SNTB1: variants seen among roughly 807,000 people sequenced by gnomAD.
The protein encoded by SNTB1 is syntrophin beta 1, also known as beta-1-syntrophin.
In SNTB1, 36 loss-of-function variants were observed where a neutral mutation model predicts 48.9. That is an observed-to-expected ratio of 0.74 (90% CI 0.56 to 0.97). SNTB1 has a LOEUF of 0.97. SNTB1 is among the 50% of genes least tolerant of loss of function. The pLI, the probability that SNTB1 is intolerant of heterozygous loss-of-function variation, is 0.00. For missense variants in SNTB1, 786 were observed against 703.4 expected, an observed-to-expected ratio of 1.12 and a Z score of -1.33; for synonymous variants, 299 against 294.6, an observed-to-expected ratio of 1.01 and a Z score of -0.15.
intron 2 of SNTB1, among the ~76,000 whole-genome samples, chr8:120,639,645 C>T (rs963757046): frequency 6.6e-6 from 1 of 152,096 alleles, no homozygotes; most frequent in African/African-American, 2.4e-5. Context: ...AATCCTTTCC[C>T]CATTTCTTGT....
chr8:120,605,798 T>G (rs149777700), intron 3 of SNTB1, among the ~76,000 whole-genome samples: 32 of 152,284 alleles, frequency 2.1e-4, no homozygotes, highest in African/African-American at 7.5e-4. Flanking sequence ...GGGAAGTCAG[T>G]GCAATCCATG....
At chr8:120,801,297 T>C (rs117759907) in intron 1 of SNTB1, among the ~76,000 whole-genome samples, 2,565 of 152,188 alleles carry the variant, frequency 0.017, 29 homozygotes, top group Middle Eastern at 0.027. Context: ...GTAACTCTAC[T>C]ACATAAGTCA....
At chr8:120,601,996 A>T (rs60378929) in intron 3 of SNTB1, among the ~76,000 whole-genome samples, 13,346 of 152,300 alleles carry the variant, frequency 0.088, 894 homozygotes, top group African/African-American at 0.18. Flanking sequence ...TTAGAGGCAA[A>T]ACAAACAAAA....
intron 2 of SNTB1, among the ~76,000 whole-genome samples, chr8:120,673,540 C>A (rs1817789230): frequency 6.6e-6 from 1 of 152,128 alleles, no homozygotes; most frequent in Non-Finnish European, 1.5e-5. Flanking sequence ...ATCTGCCCAC[C>A]TCAGCTTCCC....
intron 1 of SNTB1, among the ~76,000 whole-genome samples, chr8:120,770,210 T>C (rs376806574): frequency 1.3e-5 from 2 of 152,316 alleles, no homozygotes; most frequent in African/African-American, 4.8e-5. Flanking sequence ...GATCCTACAT[T>C]GCCAGGTGGC....
chr8:120,775,079 A>G (rs1337297684), intron 1 of SNTB1, among the ~76,000 whole-genome samples: 1 of 152,210 alleles, frequency 6.6e-6, no homozygotes, highest in East Asian at 1.9e-4. Context: ...ATGGAGTTAA[A>G]TTTTTGTCAT....
intron 2 of SNTB1, among the ~76,000 whole-genome samples, chr8:120,680,809 CA>C (rs1170388992): frequency 6.6e-6 from 1 of 152,106 alleles, no homozygotes; most frequent in Non-Finnish European, 1.5e-5. Flanking sequence ...TCAAGATTAG[CA>C]AAAATCCTTC....
chr8:120,559,846 TA>T (rs1179582173), intron 4 of SNTB1, among the ~76,000 whole-genome samples: 1 of 152,044 alleles, frequency 6.6e-6, no homozygotes, highest in African/African-American at 2.4e-5. Context: ...ACATATTAGG[TA>T]ACTGGGTTGC....
intron 4 of SNTB1, among the ~76,000 whole-genome samples, chr8:120,567,887 T>C (rs1205521996): frequency 6.6e-6 from 1 of 152,172 alleles, no homozygotes; most frequent in East Asian, 1.9e-4. Context: ...CAATACAAGA[T>C]TTTTAAAATA....
chr8:120,759,853 T>G (rs1453614263), intron 1 of SNTB1, among the ~76,000 whole-genome samples: 1 of 149,824 alleles, frequency 6.7e-6, no homozygotes, highest in Non-Finnish European at 1.5e-5. Context: ...AATGTGAGGA[T>G]CCTCTCCAGC....
intron 1 of SNTB1, among the ~76,000 whole-genome samples, chr8:120,799,318 T>C (rs961465324): frequency 1.1e-4 from 17 of 151,996 alleles, no homozygotes; most frequent in Non-Finnish European, 1.2e-4. Flanking sequence ...TTATCAGATA[T>C]GCATAGCACA....
intron 1 of SNTB1, among the ~76,000 whole-genome samples, chr8:120,797,133 A>G (rs975150391): frequency 2.0e-5 from 3 of 152,050 alleles, no homozygotes; most frequent in Admixed American, 1.3e-4. Flanking sequence ...AGAAACTTAT[A>G]TTTATTTTTT....
intron 2 of SNTB1, chr8:120,637,898 G>T (rs555481845): frequency 1.1e-4 from 25 of 225,596 alleles, no homozygotes; most frequent in Admixed American, 6.8e-4. Flanking sequence ...TTAAAATCCT[G>T]TAAGGTAATG....
chr8:120,604,443 T>A (rs1452480828), intron 3 of SNTB1, among the ~76,000 whole-genome samples: 1 of 146,160 alleles, frequency 6.8e-6, no homozygotes, highest in Admixed American at 7.3e-5. Flanking sequence ...CTTGGAAGCC[T>A]ATGGCTTTTG....
intron 3 of SNTB1, among the ~76,000 whole-genome samples, chr8:120,604,639 C>T (rs888472166): frequency 7.2e-5 from 11 of 151,940 alleles, no homozygotes; most frequent in Admixed American, 4.6e-4. Flanking sequence ...TTAGTAGAGA[C>T]GGGGTTTCAC....
At chr8:120,692,194 G>A (rs1818140114) in intron 2 of SNTB1, among the ~76,000 whole-genome samples, 1 of 152,166 alleles carries the variant, frequency 6.6e-6, no homozygotes, top group Admixed American at 6.5e-5. Context: ...AGAGCCAGAA[G>A]GGCCCTGGCA....
chr8:120,742,893 A>G (rs59476730), intron 1 of SNTB1, among the ~76,000 whole-genome samples: 20,014 of 152,206 alleles, frequency 0.13, 1,723 homozygotes, highest in African/African-American at 0.24. Context: ...GTTGGTGAGG[A>G]ACAAGTGAAA....
chr8:120,621,486 G>A (rs1816793241), intron 3 of SNTB1, among the ~76,000 whole-genome samples: 2 of 152,184 alleles, frequency 1.3e-5, no homozygotes, highest in Admixed American at 6.5e-5. Flanking sequence ...AGGGAAGGGA[G>A]GTCAGAGAGT....
intron 3 of SNTB1, among the ~76,000 whole-genome samples, chr8:120,617,030 G>A (rs903474322): frequency 3.3e-5 from 5 of 152,200 alleles, no homozygotes; most frequent in Non-Finnish European, 7.3e-5. Context: ...TGGCCCATGG[G>A]CCACATGTGG....
Sources: gnomAD v4.1 joint callset for allele counts (sites outside exome capture counted in the v4.1 genomes callset) on GRCh38, gnomAD v4.1.1 for gene constraint, MANE v1.5 for transcripts, NCBI Gene and HGNC (gene_info 2026-07-23, HGNC 2026-07-21) for gene names.